The following CADPS2 variants were observed in gnomAD, a reference collection of about 807,000 sequenced individuals.
The protein encoded by CADPS2 is calcium dependent secretion activator 2, also known as calcium-dependent secretion activator 2.
A neutral mutation model predicts 172.5 loss-of-function variants in CADPS2; 93 were observed. The observed-to-expected ratio is 0.54, with a 90% CI of 0.46 to 0.64. CADPS2 has a LOEUF of 0.64. CADPS2 is among the 30% of genes least tolerant of loss of function. The pLI, the probability that CADPS2 is intolerant of heterozygous loss-of-function variation, is 0.00. For missense variants in CADPS2, 1,420 were observed against 1,565.9 expected (o/e 0.91, Z 1.57); for synonymous variants, 546 against 555.2 (o/e 0.98, Z 0.23).
intron 8 of CADPS2, among the ~76,000 whole-genome samples, chr7:122,548,952 A>C (rs1032321217): frequency 1.3e-5 from 2 of 152,214 alleles, no homozygotes; most frequent in African/African-American, 4.8e-5. Context: ...TAAAAATGTA[A>C]ATTAAAGTCT....
At chr7:122,484,883 C>T (rs2057651933) in intron 11 of CADPS2, among the ~76,000 whole-genome samples, 1 of 152,110 alleles carries the variant, frequency 6.6e-6, no homozygotes, top group South Asian at 2.1e-4. Context: ...TTTTTAACAA[C>T]ACGTGCTCAT....
intron 8 of CADPS2, among the ~76,000 whole-genome samples, chr7:122,515,040 GA>G (rs1189652868): frequency 1.3e-5 from 2 of 151,886 alleles, no homozygotes; most frequent in African/African-American, 2.4e-5. Context: ...CCAGGGGGGA[GA>G]AAAAAACATG....
intron 8 of CADPS2, among the ~76,000 whole-genome samples, chr7:122,526,812 G>T (rs1002348054): frequency 1.3e-5 from 2 of 152,204 alleles, no homozygotes; most frequent in Admixed American, 6.5e-5. Context: ...GTCATGGCCA[G>T]CAGATTGTTT....
In CADPS2 at chr7:122,537,322, T is replaced by C. The variant is rs114579299; in HGVS notation, c.1475+17228A>G. Reference sequence around the variant, plus strand: ...ACAAACAAAAAACAAAAGATTATGCTCCAGAGAATACAGAAGCACTACATA... The same window carrying C: ...ACAAACAAAAAACAAAAGATTATGCCCCAGAGAATACAGAAGCACTACATA... On this transcript the variant is annotated intron_variant, in intron 8 of 29. Transcript: ENST00000449022. Among the ~76,000 whole-genome samples, 629 of 150,880 alleles carry C rather than the reference T, an allele frequency of 4.2e-3. 7 individuals are homozygous for C. The highest frequency in any genetic ancestry group is 0.015 in the African/African-American group (599 of 41,214).
intron 1 of CADPS2, among the ~76,000 whole-genome samples, chr7:122,825,481 AAC>A (rs1256889743): frequency 9.2e-5 from 14 of 152,274 alleles, no homozygotes; most frequent in Admixed American, 8.5e-4. Context: ...AAATGGGAAA[AAC>A]AACAACAAAA....
At chr7:122,610,546 G>A (rs1401497634) in intron 6 of CADPS2, among the ~76,000 whole-genome samples, 2 of 152,058 alleles carry the variant, frequency 1.3e-5, no homozygotes, top group Non-Finnish European at 2.9e-5. Flanking sequence ...TCCTGGAACT[G>A]AGAGTGGGAG....
At chr7:122,377,760 A>G (rs28744527) in intron 25 of CADPS2, among the ~76,000 whole-genome samples, 4,462 of 151,838 alleles carry the variant, frequency 0.029, 227 homozygotes, top group African/African-American at 0.1. Flanking sequence ...TTTTTTCTCT[A>G]TCTATCCACT....
At chr7:122,361,768 T>C (rs2040180503) in intron 25 of CADPS2, among the ~76,000 whole-genome samples, 1 of 151,972 alleles carries the variant, frequency 6.6e-6, no homozygotes, top group Non-Finnish European at 1.5e-5. Flanking sequence ...ACACAGGAGG[T>C]TGAATATAAA....
intron 9 of CADPS2, among the ~76,000 whole-genome samples, chr7:122,508,710 A>C (rs1175118453): frequency 6.6e-6 from 1 of 152,044 alleles, no homozygotes. Context: ...TCACAGAATA[A>C]AAATATATGA....
At chr7:122,340,147 C>A (rs2036550752) in intron 28 of CADPS2, among the ~76,000 whole-genome samples, 1 of 151,884 alleles carries the variant, frequency 6.6e-6, no homozygotes, top group South Asian at 2.1e-4. Flanking sequence ...GGAAATTAAG[C>A]CTTTATAAAA....
Position 122,705,814 on chromosome 7 carries a change from TATA to T in CADPS2, c.453+31138_453+31140del, listed in dbSNP as rs1477963443. On this transcript the variant is annotated intron_variant, in intron 2 of 29. Transcript: ENST00000449022. The stretch of plus-strand genomic sequence containing the variant: ...CATATATAATATAATATATATGATA[TATA>T]ATAATATATATTTATATATAATATA... Among the ~76,000 whole-genome samples the T allele has an allele frequency of 2.2e-3, 40 of 18,582 alleles. 11 individuals are homozygous for T. Among genetic ancestry groups the T allele is most frequent in the African/African-American group, 4.8e-3 (35 of 7,244 alleles). 12.2% of individuals were successfully genotyped at this position (18,582 alleles called of 152,430 possible).
intron 28 of CADPS2, 115 bp downstream of exon 28, chr7:122,345,459 A>G (rs1412411708): frequency 1.6e-6 from 1 of 641,454 alleles, no homozygotes; most frequent in Non-Finnish European, 2.7e-6. Context: ...TTTAGTATAG[A>G]AGATACAGGA....
chr7:122,666,680 G>A (rs193195951), intron 2 of CADPS2, among the ~76,000 whole-genome samples: 13 of 152,140 alleles, frequency 8.5e-5, no homozygotes, highest in East Asian at 1.9e-4. Flanking sequence ...AGAGGCTGCC[G>A]GAGGACGTAC....
intron 2 of CADPS2, chr7:122,698,185 C>T: frequency 1.9e-6 from 3 of 1,613,862 alleles, no homozygotes; most frequent in South Asian, 1.1e-5. Flanking sequence ...TTCTTCATCC[C>T]CCTCTTTTAC....
rs1821722807 is a variant in CADPS2 at position 122,878,085 on chromosome 7, G to A, written c.339+7914C>T. ...ATCCAGGCCAACATGGTGAAACCCCGTCTTTACTAAAAATACAAAAATTAG... is the reference window on the plus strand; with the variant it reads ...ATCCAGGCCAACATGGTGAAACCCCATCTTTACTAAAAATACAAAAATTAG... On this transcript the variant is annotated intron_variant, in intron 1 of 29. Transcript: ENST00000449022. 1.3e-5 allele frequency among the ~76,000 whole-genome samples: 2 copies of A among 151,300 alleles called. 1 individual carries two copies. The highest frequency in any genetic ancestry group is 4.2e-4 in the South Asian group (2 of 4,786).
chr7:122,395,855 G>A (rs951841878), intron 20 of CADPS2, among the ~76,000 whole-genome samples: 17 of 151,328 alleles, frequency 1.1e-4, no homozygotes, highest in African/African-American at 4.1e-4. Context: ...TGTTGCCCAG[G>A]CTGGAGTGCA....
chr7:122,342,053 C>T (rs992795215), intron 28 of CADPS2, among the ~76,000 whole-genome samples: 3 of 152,046 alleles, frequency 2.0e-5, no homozygotes, highest in Non-Finnish European at 4.4e-5. Flanking sequence ...TTTTGTGACC[C>T]TCAAAGGATA....
intron 16 of CADPS2, among the ~76,000 whole-genome samples, chr7:122,438,920 C>A (rs1023625588): frequency 5.7e-5 from 8 of 140,366 alleles, no homozygotes; most frequent in Non-Finnish European, 1.3e-4. Flanking sequence ...TAAGCATAAT[C>A]TTTGAGCTCT....
intron 2 of CADPS2, among the ~76,000 whole-genome samples, chr7:122,715,710 G>GA (rs71161330): frequency 1.0e-3 from 142 of 140,946 alleles, no homozygotes; most frequent in East Asian, 1.6e-3. Flanking sequence ...GCATTGCAAA[G>GA]AAAAAAAAAA....
Sources: gnomAD v4.1 joint callset for allele counts (sites outside exome capture counted in the v4.1 genomes callset) on GRCh38, gnomAD v4.1.1 for gene constraint, MANE v1.5 for transcripts, NCBI Gene and HGNC (gene_info 2026-07-23, HGNC 2026-07-21) for gene names.